IMMP2L: variants seen among roughly 807,000 people sequenced by gnomAD.
IMMP2L encodes the protein mitochondrial inner membrane protease subunit 2.
IMMP2L carries 18 observed loss-of-function variants against 19.3 expected under a neutral mutation model. The ratio of observed to expected loss-of-function variants is 0.93; its 90% CI spans 0.64 to 1.38. IMMP2L has a LOEUF of 1.38. IMMP2L is among the 40% of genes most tolerant of loss of function. IMMP2L has a pLI of 0.00. For missense variants in IMMP2L, 233 were observed against 218.2 expected, an observed-to-expected ratio of 1.07 and a Z score of -0.43; for synonymous variants, 76 against 73.0, an observed-to-expected ratio of 1.04 and a Z score of -0.21.
At chr7:111,402,153 TAATAATAA>T (rs1257860690) in intron 3 of IMMP2L, among the ~76,000 whole-genome samples, 2 of 141,062 alleles carry the variant, frequency 1.4e-5, no homozygotes, top group Non-Finnish European at 3.0e-5. Context: ...ATAATAATAA[TAATAATAA>T]TAATAATAAT....
rs751995911 is a variant in IMMP2L, at chr7:111,123,960, C to T, written c.240-160395G>A. 1.6e-5 allele frequency: 26 copies of T among 1,613,852 alleles called. No individual in the cohort carries two copies. Among genetic ancestry groups the T allele is most frequent in the East Asian group, 2.2e-5 (1 of 44,858 alleles). On this transcript the variant is annotated intron_variant, in intron 3 of 5. Transcript: ENST00000405709. This position sits in a 1 kb window ranked among gnomAD's most constrained non-coding sequence, Gnocchi z 6.4. ...TCATGGAGCCAGATTCACTGTTTTG[C>T]GTGGACCCACCTGAATTCCAAGGTC...
At chr7:110,829,548 C>T (rs1342951002) in intron 5 of IMMP2L, among the ~76,000 whole-genome samples, 8 of 152,120 alleles carry the variant, frequency 5.3e-5, no homozygotes, top group Non-Finnish European at 5.9e-5. Context: ...AAAAAATATT[C>T]CTTTCCATTT....
intron 5 of IMMP2L, among the ~76,000 whole-genome samples, chr7:110,732,999 G>A (rs1396212166): frequency 6.6e-6 from 1 of 151,968 alleles, no homozygotes; most frequent in East Asian, 1.9e-4. Flanking sequence ...TGATTCCCAG[G>A]CTGATCTCAA....
At chr7:110,738,244 T>C (rs1796766368) in intron 5 of IMMP2L, among the ~76,000 whole-genome samples, 2 of 152,074 alleles carry the variant, frequency 1.3e-5, no homozygotes, top group South Asian at 4.2e-4. Context: ...ATTCAAAAGG[T>C]TGATTATTAA....
intron 4 of IMMP2L, among the ~76,000 whole-genome samples, chr7:110,892,634 CGTTGTAATGAA>C (rs1810922526): frequency 6.6e-6 from 1 of 152,032 alleles, no homozygotes; most frequent in Admixed American, 6.6e-5. Flanking sequence ...AACTATCATA[CGTTGTAATGAA>C]ATTGTAGAAC....
At chr7:110,747,284 A>C (rs965116610) in intron 5 of IMMP2L, among the ~76,000 whole-genome samples, 1 of 152,206 alleles carries the variant, frequency 6.6e-6, no homozygotes, top group African/African-American at 2.4e-5. Context: ...AAAAAGTCCG[A>C]GAACTGATGG....
intron 2 of IMMP2L, among the ~76,000 whole-genome samples, chr7:111,488,714 C>T (rs954347243): frequency 3.9e-5 from 6 of 151,942 alleles, no homozygotes; most frequent in African/African-American, 1.5e-4. Context: ...GGGTAGATAC[C>T]TAGTATTGCT....
chr7:111,076,177 T>G (rs544201986), intron 3 of IMMP2L, among the ~76,000 whole-genome samples: 43 of 152,268 alleles, frequency 2.8e-4, no homozygotes, highest in African/African-American at 1.0e-3. Flanking sequence ...CTACTCAAAG[T>G]GTGATCTGTG....
At chr7:111,489,036 CTTTTTTT>C (rs35930780) in intron 2 of IMMP2L, among the ~76,000 whole-genome samples, 5 of 87,142 alleles carry the variant, frequency 5.7e-5, no homozygotes, top group Non-Finnish European at 8.3e-5. Context: ...CCTCAATCCA[CTTTTTTT>C]TTTTTTTTTT....
At chr7:110,734,154 T>C (rs531209796) in intron 5 of IMMP2L, among the ~76,000 whole-genome samples, 1 of 152,262 alleles carries the variant, frequency 6.6e-6, no homozygotes, top group Non-Finnish European at 1.5e-5. Flanking sequence ...AGAGGGGCAT[T>C]GAGGGCAATA....
chr7:111,191,257 A>G (rs553371579), intron 3 of IMMP2L, among the ~76,000 whole-genome samples: 3 of 152,138 alleles, frequency 2.0e-5, no homozygotes, highest in Non-Finnish European at 4.4e-5. Flanking sequence ...AAATGCAGGT[A>G]AGAAAACCCA....
intron 3 of IMMP2L, among the ~76,000 whole-genome samples, chr7:111,203,207 G>T (rs542454814): frequency 5.3e-5 from 8 of 151,762 alleles, no homozygotes; most frequent in South Asian, 2.1e-4. Flanking sequence ...AGGCAAGACG[G>T]TTTTTTTTCT....
chr7:111,491,009 G>C (rs1173546429), intron 2 of IMMP2L, among the ~76,000 whole-genome samples: 2 of 151,560 alleles, frequency 1.3e-5, no homozygotes, highest in East Asian at 3.9e-4. Context: ...TTCTACATCT[G>C]CCACCCCTGA....
intron 5 of IMMP2L, among the ~76,000 whole-genome samples, chr7:110,847,763 C>CT (rs1805810750): frequency 1.3e-5 from 2 of 152,040 alleles, no homozygotes; most frequent in South Asian, 4.1e-4. Context: ...AGGATATAGT[C>CT]AACTGATCTT....
intron 3 of IMMP2L, among the ~76,000 whole-genome samples, chr7:111,458,550 A>C (rs1207806086): frequency 6.6e-6 from 1 of 152,016 alleles, no homozygotes; most frequent in African/African-American, 2.4e-5. Context: ...CCTCTGCTCT[A>C]CTTCCCTTCA....
intron 4 of IMMP2L, among the ~76,000 whole-genome samples, chr7:110,887,652 T>C (rs1188542444): frequency 6.6e-6 from 1 of 151,298 alleles, no homozygotes; most frequent in East Asian, 1.9e-4. Context: ...CAATAAATTA[T>C]GATACAACCA....
intron 3 of IMMP2L, among the ~76,000 whole-genome samples, chr7:111,143,421 CAACAG>C (rs1042112011): frequency 3.9e-5 from 6 of 152,102 alleles, no homozygotes; most frequent in African/African-American, 1.4e-4. Context: ...AAATCCATAA[CAACAG>C]GTGTTATCCT....
intron 3 of IMMP2L, among the ~76,000 whole-genome samples, chr7:111,362,055 T>C (rs1351307901): frequency 6.6e-6 from 1 of 152,118 alleles, no homozygotes; most frequent in East Asian, 1.9e-4. Context: ...ACTGCCATTT[T>C]TATATAAAAC....
chr7:111,357,117 T>C (rs1386131400), intron 3 of IMMP2L, among the ~76,000 whole-genome samples: 3 of 152,170 alleles, frequency 2.0e-5, no homozygotes, highest in Non-Finnish European at 4.4e-5. Context: ...GATTAATCAC[T>C]AACCACTTCA....
Sources: allele counts gnomAD v4.1 joint callset (sites outside exome capture counted in the v4.1 genomes callset), GRCh38; gene constraint gnomAD v4.1.1; non-coding constraint Gnocchi (gnomAD v3.1); transcripts MANE v1.5; gene names NCBI Gene and HGNC (gene_info 2026-07-23, HGNC 2026-07-21).